Variants in CYRIA observed in about 807,000 individuals in gnomAD.
CYRIA encodes the protein CYFIP-related Rac1 interactor A.
Under a neutral mutation model 43.9 loss-of-function variants are expected in CYRIA, and 15 were observed. The ratio of observed to expected loss-of-function variants is 0.34; its 90% CI spans 0.23 to 0.53. The LOEUF (loss-of-function observed/expected upper bound fraction) is 0.53. CYRIA is among the 20% of genes least tolerant of loss of function. The pLI is 0.94. For synonymous variants in CYRIA, 117 were observed against 136.0 expected (o/e 0.86, Z 0.97); for missense variants, 236 against 394.2 (o/e 0.60, Z 3.40).
At chr2:16,639,539 T>C (rs1333339870) in intron 1 of CYRIA, among the ~76,000 whole-genome samples, 2 of 152,194 alleles carry the variant, frequency 1.3e-5, no homozygotes, top group South Asian at 2.1e-4. Context: ...GTACCTGCAG[T>C]GTGGGGCAGT....
chr2:16,566,378 G>A (rs563448375), intron 3 of CYRIA, among the ~76,000 whole-genome samples: 99 of 152,288 alleles, frequency 6.5e-4, no homozygotes, highest in Non-Finnish European at 1.1e-3. Context: ...GTGAATCTGA[G>A]TGTAGATGGG....
chr2:16,610,864 C>G (rs942774687), intron 2 of CYRIA, among the ~76,000 whole-genome samples: 1 of 136,810 alleles, frequency 7.3e-6, no homozygotes, highest in Non-Finnish European at 1.5e-5. Flanking sequence ...TGGCACTTGC[C>G]TCAAAAATAG....
intron 9 of CYRIA, 163 bp downstream of exon 9, chr2:16,560,827 T>A: frequency 1.5e-6 from 1 of 666,422 alleles, no homozygotes; most frequent in Non-Finnish European, 2.6e-6. Flanking sequence ...GCAGTAGTGA[T>A]AGTGACACCT....
At chr2:16,647,702 C>A (rs147382354) in intron 1 of CYRIA, among the ~76,000 whole-genome samples, 1 of 152,194 alleles carries the variant, frequency 6.6e-6, no homozygotes, top group Non-Finnish European at 1.5e-5. Context: ...TGGGCTCTCC[C>A]CACTTTCTTT....
intron 2 of CYRIA, among the ~76,000 whole-genome samples, chr2:16,589,360 T>A (rs1667841546): frequency 6.6e-6 from 1 of 152,126 alleles, no homozygotes; most frequent in Non-Finnish European, 1.5e-5. Context: ...ACTCTGCGCA[T>A]GAGAATATGT....
intron 4 of CYRIA, 106 bp from the exon 5 acceptor site, chr2:16,564,200 T>C (rs1658986551): frequency 1.2e-5 from 10 of 807,518 alleles, no homozygotes; most frequent in Middle Eastern, 4.6e-4. Flanking sequence ...ACTTTGCTGA[T>C]GTATACTACT....
chr2:16,657,426 A>T (rs1670145905), intron 1 of CYRIA, among the ~76,000 whole-genome samples: 1 of 151,698 alleles, frequency 6.6e-6, no homozygotes, highest in African/African-American at 2.4e-5. Flanking sequence ...TTTTTTTTAA[A>T]ATGACTTTGT....
At chr2:16,560,437 C>A (rs1213563772) in intron 9 of CYRIA, among the ~76,000 whole-genome samples, 1 of 152,138 alleles carries the variant, frequency 6.6e-6, no homozygotes, top group Non-Finnish European at 1.5e-5. Flanking sequence ...CAGTTATTTA[C>A]AGGCATAGTA....
intron 3 of CYRIA, among the ~76,000 whole-genome samples, chr2:16,572,726 A>G (rs1278052446): frequency 6.6e-6 from 1 of 152,178 alleles, no homozygotes; most frequent in Admixed American, 6.5e-5. Context: ...TTTACACCCC[A>G]GCCCCCACCA....
chr2:16,580,766 G>T (rs1667524235), intron 3 of CYRIA, among the ~76,000 whole-genome samples: 1 of 152,098 alleles, frequency 6.6e-6, no homozygotes, highest in Non-Finnish European at 1.5e-5. Flanking sequence ...GTATTAATTG[G>T]TGAGAAGGTA....
intron 1 of CYRIA, among the ~76,000 whole-genome samples, chr2:16,638,185 C>G (rs1003092468): frequency 6.6e-6 from 1 of 152,192 alleles, no homozygotes. Flanking sequence ...CTCACTGGAG[C>G]CCACCCTGCA....
chr2:16,616,396 C>T (rs1668793161), intron 2 of CYRIA, among the ~76,000 whole-genome samples: 1 of 152,216 alleles, frequency 6.6e-6, no homozygotes, highest in South Asian at 2.1e-4. Flanking sequence ...CCCTACGTCA[C>T]CCTTTGTCAA....
chr2:16,592,826 T>A (rs12994846), intron 2 of CYRIA, among the ~76,000 whole-genome samples: 1 of 152,072 alleles, frequency 6.6e-6, no homozygotes, highest in Non-Finnish European at 1.5e-5. Flanking sequence ...CAAAAAGCTG[T>A]ACTTCTCTAG....
chr2:16,555,787 T>C (rs1666487251), intron 10 of CYRIA, among the ~76,000 whole-genome samples: 1 of 152,118 alleles, frequency 6.6e-6, no homozygotes, highest in Non-Finnish European at 1.5e-5. Flanking sequence ...CTTTCTTCAC[T>C]AGACCAGGAG....
chr2:16,570,577 G>C (rs1450500229), intron 3 of CYRIA, among the ~76,000 whole-genome samples: 1 of 152,138 alleles, frequency 6.6e-6, no homozygotes, highest in Non-Finnish European at 1.5e-5. Flanking sequence ...GAAATTTATT[G>C]TGTTTTCAGA....
intron 3 of CYRIA, among the ~76,000 whole-genome samples, chr2:16,584,511 T>G (rs1474102598): frequency 6.6e-6 from 1 of 152,186 alleles, no homozygotes; most frequent in Non-Finnish European, 1.5e-5. Flanking sequence ...ATGCCTAATG[T>G]TCCCATCTGC....
At chr2:16,626,268 G>A (rs2103514351) in intron 1 of CYRIA, among the ~76,000 whole-genome samples, 2 of 152,232 alleles carry the variant, frequency 1.3e-5, no homozygotes, top group South Asian at 4.1e-4. Context: ...CCCTACTCCA[G>A]CGGGCCCCCT....
At chr2:16,602,016 G>A (rs1235967170) in intron 2 of CYRIA, among the ~76,000 whole-genome samples, 4 of 152,196 alleles carry the variant, frequency 2.6e-5, no homozygotes, top group Admixed American at 2.6e-4. Flanking sequence ...TAGATCACAA[G>A]CTCCTAGGAG....
intron 1 of CYRIA, among the ~76,000 whole-genome samples, chr2:16,642,311 C>T (rs906172893): frequency 7.9e-5 from 12 of 152,170 alleles, no homozygotes; most frequent in Non-Finnish European, 1.5e-4. Flanking sequence ...CACATTATTT[C>T]TCATGTCAGC....
Sources: gnomAD v4.1 joint callset for allele counts (sites outside exome capture counted in the v4.1 genomes callset) on GRCh38, gnomAD v4.1.1 for gene constraint, MANE v1.5 for transcripts, NCBI Gene and HGNC (gene_info 2026-07-23, HGNC 2026-07-21) for gene names.